Variants in PTP4A2 observed in about 807,000 individuals in gnomAD.
The protein encoded by PTP4A2 is protein tyrosine phosphatase 4A2.
A neutral mutation model predicts 22.9 loss-of-function variants in PTP4A2; 2 were observed. That is an observed-to-expected ratio of 0.09 (90% CI 0.04 to 0.27). The LOEUF (loss-of-function observed/expected upper bound fraction) is 0.27, where lower values mean the gene tolerates loss of function less well. PTP4A2 is among the 10% of genes least tolerant of loss of function. PTP4A2 has a pLI of 1.00. For missense variants in PTP4A2, 103 were observed against 205.1 expected, an observed-to-expected ratio of 0.50 and a Z score of 3.04; for synonymous variants, 68 against 69.1, an observed-to-expected ratio of 0.98 and a Z score of 0.08.
intron 1 of PTP4A2, chr1:31,931,223 G>A (rs955770143): frequency 6.6e-6 from 1 of 152,192 alleles, no homozygotes; most frequent in African/African-American, 2.4e-5. Flanking sequence ...AAGATACAAA[G>A]TAAGCGTGAG....
At chr1:31,933,387 GC>G (rs1344984894) in intron 1 of PTP4A2, among the ~76,000 whole-genome samples, 1 of 151,858 alleles carries the variant, frequency 6.6e-6, no homozygotes, top group Non-Finnish European at 1.5e-5. Flanking sequence ...AGTACTTTAA[GC>G]CCCTAAAAGG....
At chr1:31,915,180 A>G (rs960386107) in intron 3 of PTP4A2, among the ~76,000 whole-genome samples, 1 of 152,260 alleles carries the variant, frequency 6.6e-6, no homozygotes, top group Admixed American at 6.5e-5. Flanking sequence ...TGTTGTTAAA[A>G]TAAGAGCACA....
chr1:31,912,575 C>T (rs1651594335), intron 3 of PTP4A2, among the ~76,000 whole-genome samples: 3 of 152,016 alleles, frequency 2.0e-5, no homozygotes, highest in South Asian at 4.1e-4. Context: ...ACAGTATAGG[C>T]AGGGGTTTAT....
chr1:31,919,082 T>G lies in PTP4A2; in HGVS notation c.-17A>C, dbSNP rs776557851. On this transcript the variant is annotated 5_prime_UTR_variant, in exon 2 of 6. Coordinates refer to ENST00000647444, the MANE Select transcript of PTP4A2 (RefSeq NM_080391.4). Reference sequence around the variant, plus strand: ...ACGGTTCATTATGGCAAATAAAAAGTGTGAGCGTGCGTGTGAGTGTGATGG... The same window carrying G: ...ACGGTTCATTATGGCAAATAAAAAGGGTGAGCGTGCGTGTGAGTGTGATGG... 3 of 1,363,954 alleles carry G rather than the reference T, an allele frequency of 2.2e-6. No individual in the cohort carries two copies. Among genetic ancestry groups the G allele is most frequent in the Non-Finnish European group, 1.0e-6 (1 of 955,858 alleles). The allele number at this position is 1,363,954 out of a possible 1,614,324, so 84.5% of individuals were successfully genotyped here. A position where few individuals can be genotyped will look rare whatever the true frequency, so the allele number is the denominator to read the frequency against.
intron 1 of PTP4A2, among the ~76,000 whole-genome samples, chr1:31,923,557 A>G (rs1652304600): frequency 1.3e-5 from 2 of 150,106 alleles, no homozygotes; most frequent in African/African-American, 4.9e-5. Context: ...GATGGTCTCG[A>G]TCTCCTGACC....
intron 1 of PTP4A2, among the ~76,000 whole-genome samples, chr1:31,926,149 A>AAAAAAT: frequency 7.6e-6 from 1 of 131,350 alleles, no homozygotes; most frequent in South Asian, 2.4e-4. Context: ...AAAAAAAAAA[A>AAAAAAT]ATATATATAT....
intron 1 of PTP4A2, among the ~76,000 whole-genome samples, chr1:31,924,905 AAAAAG>A (rs1241937310): frequency 2.0e-5 from 3 of 152,226 alleles, no homozygotes; most frequent in Non-Finnish European, 4.4e-5. Context: ...AGGGATAAAA[AAAAAG>A]AAAAAACTAT....
rs754134885 is a variant in PTP4A2, at chr1:31,919,116, A to G, written c.-51T>C. On this transcript the variant is annotated 5_prime_UTR_variant, in exon 2 of 6. Coordinates refer to ENST00000647444, the MANE Select transcript of PTP4A2 (RefSeq NM_080391.4). The stretch of plus-strand genomic sequence containing the variant: ...GCGTGTGAGTGTGATGGGGAAAGTG[A>G]AAAAAAAAAATCAATAAATCTTGAA... 4.1e-6 allele frequency: 2 copies of G among 488,912 alleles called. No homozygotes were observed. The highest frequency in any genetic ancestry group is 6.7e-6 in the Non-Finnish European group (2 of 300,598). 30.3% of individuals were successfully genotyped at this position (488,912 alleles called of 1,614,324 possible).
intron 1 of PTP4A2, among the ~76,000 whole-genome samples, chr1:31,923,275 T>C (rs570499881): frequency 2.7e-5 from 4 of 150,430 alleles, no homozygotes; most frequent in Non-Finnish European, 5.9e-5. Context: ...GGTGCAATCA[T>C]AGCTCACGGC....
rs546061468 is a variant in PTP4A2 at position 31,907,913 on chromosome 1, C to G, written c.*939G>C. 5 of 151,058 alleles carry G rather than the reference C, an allele frequency of 3.3e-5. No individual in the cohort carries two copies. Among genetic ancestry groups the G allele is most frequent in the African/African-American group, 1.2e-4 (5 of 41,096 alleles). The allele number at this position is 151,058 out of a possible 1,614,324, so 9.4% of individuals were successfully genotyped here. On this transcript the variant is annotated 3_prime_UTR_variant, in exon 6 of 6. Coordinates refer to ENST00000647444, the MANE Select transcript of PTP4A2 (RefSeq NM_080391.4). ...ACAAGTTTCTGGGATAACCACTTAG[C>G]TTCATTGGTTAGGGAAGAGAAGAAT...
In PTP4A2 at chr1:31,919,221, T is replaced by C; in HGVS notation, c.-156A>G. On this transcript the variant is annotated 5_prime_UTR_variant, in exon 2 of 6. Coordinates refer to ENST00000647444, the MANE Select transcript of PTP4A2 (RefSeq NM_080391.4). ...GTGTTTTCTCTATTCAACTTGTTTA[T>C]TCCTTATGAAGCTTCTCTCTTCAAG... 2.2e-6 allele frequency: 1 copy of C among 448,598 alleles called. No individual in the cohort carries two copies. 27.8% of individuals were successfully genotyped at this position (448,598 alleles called of 1,614,324 possible). A position where few individuals can be genotyped will look rare whatever the true frequency, so the allele number is the denominator to read the frequency against.
At position 31,938,351 on chromosome 1, in the gene PTP4A2, C is replaced by A. The variant is rs1187193434; in HGVS notation, c.-958G>T. Reference sequence around the variant, plus strand: ...CGGCCGATCGCGCCGCCACCACCACCGCTGCGCGCGCAGCCGGAACCAGCT... The same window carrying A: ...CGGCCGATCGCGCCGCCACCACCACAGCTGCGCGCGCAGCCGGAACCAGCT... On this transcript the variant is annotated 5_prime_UTR_variant, in exon 1 of 6. Coordinates refer to ENST00000647444, the MANE Select transcript of PTP4A2 (RefSeq NM_080391.4). The surrounding 1 kb of genome is among the most constrained non-coding windows in gnomAD (Gnocchi z 4.4). 1 of 149,132 alleles carries A rather than the reference C, an allele frequency of 6.7e-6. No homozygotes were observed. The highest frequency in any genetic ancestry group is 1.5e-5 in the Non-Finnish European group (1 of 66,628). The allele number at this position is 149,132 out of a possible 1,614,324, so 9.2% of individuals were successfully genotyped here.
chr1:31,910,991 G>A (rs1240250699), intron 4 of PTP4A2: 2 of 152,148 alleles, frequency 1.3e-5, no homozygotes, highest in Admixed American at 6.6e-5. Context: ...AACTAGGATA[G>A]CTACTAGTTA....
chr1:31,915,608 C>A, intron 3 of PTP4A2: 1 of 209,520 alleles, frequency 4.8e-6, no homozygotes, highest in Non-Finnish European at 9.3e-6. Context: ...GGTGTGGCCA[C>A]AGCTCACTGC....
chr1:31,930,207 G>A (rs998258961), intron 1 of PTP4A2, among the ~76,000 whole-genome samples: 2 of 151,988 alleles, frequency 1.3e-5, no homozygotes, highest in East Asian at 1.9e-4. Context: ...GCGAGGTGGC[G>A]GGCGCCTGTA....
chr1:31,922,581 G>C (rs1652209443), intron 1 of PTP4A2, among the ~76,000 whole-genome samples: 3 of 145,698 alleles, frequency 2.1e-5, no homozygotes, highest in African/African-American at 7.6e-5. Context: ...CAAAAACCCA[G>C]GTTTGTTTCT....
At chr1:31,910,856 T>A (rs973471564) in intron 4 of PTP4A2, 1 of 152,208 alleles carries the variant, frequency 6.6e-6, no homozygotes, top group African/African-American at 2.4e-5. Flanking sequence ...AAAATCCTTT[T>A]GATGAGCTAG....
rs1469896122 is a variant in PTP4A2 at position 31,908,163 on chromosome 1, TA to T, written c.*688del. On this transcript the variant is annotated 3_prime_UTR_variant, in exon 6 of 6. Coordinates refer to ENST00000647444, the MANE Select transcript of PTP4A2 (RefSeq NM_080391.4). ...TATTATATATATATATATATATATATATATATATATATATATATATATATAT... is the reference window on the plus strand; with the variant it reads ...TATTATATATATATATATATATATATTATATATATATATATATATATATAT... 3 of 9,298 alleles carry T rather than the reference TA, an allele frequency of 3.2e-4. 1 individual carries two copies. Among genetic ancestry groups the T allele is most frequent in the African/African-American group, 1.5e-3 (3 of 1,936 alleles). The allele number at this position is 9,298 out of a possible 1,614,324, so 0.6% of individuals were successfully genotyped here.
At chr1:31,917,127 C>A (rs1035495244) in intron 2 of PTP4A2, among the ~76,000 whole-genome samples, 5 of 152,178 alleles carry the variant, frequency 3.3e-5, no homozygotes, top group African/African-American at 1.2e-4. Context: ...TGGCCTGTGC[C>A]ACTTCTGGAG....
Sources: allele counts gnomAD v4.1 joint callset (sites outside exome capture counted in the v4.1 genomes callset), GRCh38; gene constraint gnomAD v4.1.1; non-coding constraint Gnocchi (gnomAD v3.1); transcripts MANE v1.5; gene names NCBI Gene and HGNC (gene_info 2026-07-23, HGNC 2026-07-21).